Variants in XG observed in about 807,000 individuals in gnomAD.
XG encodes Xg glycoprotein (Xg blood group).
A neutral mutation model predicts 25.7 loss-of-function variants in XG; 24 were observed. The observed-to-expected ratio is 0.93, with a 90% CI of 0.68 to 1.31. The LOEUF (loss-of-function observed/expected upper bound fraction) is 1.31. XG is among the 40% of genes most tolerant of loss of function. The probability of loss-of-function intolerance (pLI) is 0.00; values close to 1 mark genes in which losing one functional copy is unlikely to be tolerated. For synonymous variants in XG, 77 were observed against 69.2 expected (o/e 1.11, Z -0.56); for missense variants, 181 against 187.6 (o/e 0.96, Z 0.21).
At chrX:2,778,982 T>C (rs1028142862) in intron 3 of XG, among the ~76,000 whole-genome samples, 2 of 152,124 alleles carry the variant, frequency 1.3e-5, no homozygotes, top group Non-Finnish European at 2.9e-5. Flanking sequence ...CAGGCTGGTC[T>C]CGAACTCCTG....
At chrX:2,774,203 G>A (rs1311326016) in intron 2 of XG, among the ~76,000 whole-genome samples, 4 of 151,908 alleles carry the variant, frequency 2.6e-5, no homozygotes, top group South Asian at 2.1e-4. Flanking sequence ...TCCTGCCCTC[G>A]TCTGCCCATC....
intron 4 of XG, among the ~76,000 whole-genome samples, chrX:2,784,599 A>T (rs1431585911): frequency 9.0e-6 from 1 of 110,815 alleles, no homozygotes; most frequent in Non-Finnish European, 1.9e-5. Flanking sequence ...ATAAGAAAAA[A>T]AAAACTTAAA....
rs147232224 is a variant in XG, at chrX:2,815,124, G to T, written c.*744G>T. 3.1e-4 allele frequency: 35 copies of T among 111,571 alleles called. No homozygotes were observed. Among genetic ancestry groups the T allele is most frequent in the Non-Finnish European group, 6.0e-4 (32 of 53,151 alleles). The allele number at this position is 111,571 out of a possible 1,213,427, so 9.2% of individuals were successfully genotyped here. ...GAGACAGAAATAGTGATTATCAGGCGTTGAGCCTTTTTGTAGTATTTTTAG... is the reference window on the plus strand; with the variant it reads ...GAGACAGAAATAGTGATTATCAGGCTTTGAGCCTTTTTGTAGTATTTTTAG... On this transcript the variant is annotated 3_prime_UTR_variant, in exon 11 of 11. Coordinates refer to ENST00000644266, the MANE Select transcript of XG (RefSeq NM_001141919.2).
At chrX:2,754,089 C>T (rs1249137037) in intron 1 of XG, among the ~76,000 whole-genome samples, 7 of 151,872 alleles carry the variant, frequency 4.6e-5, no homozygotes, top group Admixed American at 4.6e-4. Flanking sequence ...AAAATATTTT[C>T]TTTTTTTTAA....
chrX:2,758,369 G>A (rs2050483047), intron 1 of XG, among the ~76,000 whole-genome samples: 1 of 152,164 alleles, frequency 6.6e-6, no homozygotes, highest in Non-Finnish European at 1.5e-5. Context: ...TTTGGGAGCT[G>A]GGAGACCTGC....
intron 8 of XG, among the ~76,000 whole-genome samples, chrX:2,807,593 G>C (rs1447384584): frequency 3.6e-5 from 4 of 112,542 alleles, no homozygotes; most frequent in Non-Finnish European, 7.5e-5. Context: ...TTTGTTGCCT[G>C]TGTGTGTGGT....
chrX:2,767,487 C>T (rs2124439298), intron 1 of XG, among the ~76,000 whole-genome samples: 1 of 152,310 alleles, frequency 6.6e-6, no homozygotes, highest in South Asian at 2.1e-4. Flanking sequence ...CCGCTCAGTT[C>T]ACTAACTATA....
At chrX:2,770,513 AT>A in intron 1 of XG, 36 bp from the exon 2 acceptor site, 1 of 1,613,684 alleles carries the variant, frequency 6.2e-7, no homozygotes, top group Non-Finnish European at 8.5e-7. Context: ...TGGCCTTTCC[AT>A]CATGGGGTGA....
At chrX:2,781,830 A>C (rs894104150) in intron 3 of XG, among the ~76,000 whole-genome samples, 2 of 109,759 alleles carry the variant, frequency 1.8e-5, no homozygotes, top group Admixed American at 2.0e-4. Flanking sequence ...TGCCATGAAA[A>C]CGAACTTCTA....
chrX:2,764,187 G>A (rs192404917), intron 1 of XG, among the ~76,000 whole-genome samples: 48 of 152,294 alleles, frequency 3.2e-4, no homozygotes, highest in African/African-American at 1.1e-3. Context: ...GCAATGTCAG[G>A]AAGTTACCCT....
intron 5 of XG, among the ~76,000 whole-genome samples, chrX:2,794,091 C>T (rs1213061809): frequency 5.4e-5 from 6 of 110,299 alleles, no homozygotes; most frequent in East Asian, 5.7e-4. Flanking sequence ...CCAGGAAGGA[C>T]GGCCAGGAGG....
At chrX:2,790,611 G>A (rs2086828276) in intron 5 of XG, among the ~76,000 whole-genome samples, 1 of 111,321 alleles carries the variant, frequency 9.0e-6, no homozygotes, top group Non-Finnish European at 1.9e-5. Flanking sequence ...GAAACCAGCG[G>A]CCAACATGGT....
In XG at chrX:2,794,604, G is replaced by A. The variant is rs763087606; in HGVS notation, c.322+1G>A. Reference sequence around the variant, plus strand: ...AGGCCCAGGCCACGGCCGCCTGCAGGTAGGTGCCGAGCCTCCCCAGATGCG... The same window carrying A: ...AGGCCCAGGCCACGGCCGCCTGCAGATAGGTGCCGAGCCTCCCCAGATGCG... On this transcript the variant is annotated splice_donor_variant, in intron 6 of 10. Transcript: ENST00000644266. LOFTEE classifies it high-confidence loss of function. The A allele has an allele frequency of 8.3e-7, 1 of 1,211,001 alleles. No individual in the cohort carries two copies. Among genetic ancestry groups the A allele is most frequent in the Non-Finnish European group, 1.1e-6 (1 of 895,151 alleles).
intron 3 of XG, among the ~76,000 whole-genome samples, chrX:2,777,812 G>A (rs1373999907): frequency 1.3e-5 from 2 of 152,160 alleles, no homozygotes; most frequent in Middle Eastern, 3.2e-3. Context: ...TGTAATCCCA[G>A]CACTGTAGGA....
chrX:2,799,345 C>T lies in XG; in HGVS notation c.373+1985C>T, dbSNP rs2086914348. On this transcript the variant is annotated intron_variant, in intron 7 of 10. Transcript: ENST00000644266. ...AGACGAGCGTAAAAGATTTATTTGC[C>T]AAAGTTAAGGTTAAGGGCGCGCCCC... is the stretch of plus-strand genomic sequence containing the variant. Among the ~76,000 whole-genome samples, 3 of 111,089 alleles carry T rather than the reference C, an allele frequency of 2.7e-5. No homozygotes were observed. The Admixed American group carries it at 2.9e-4, about 11-fold the overall frequency.
intron 1 of XG, among the ~76,000 whole-genome samples, chrX:2,755,891 A>G (rs1188624821): frequency 2.0e-5 from 3 of 152,086 alleles, no homozygotes; most frequent in Non-Finnish European, 4.4e-5. Context: ...TGAAGTACTT[A>G]AGAAAACAGA....
At chrX:2,776,134 A>AACGCC (rs1404050498) in intron 3 of XG, among the ~76,000 whole-genome samples, 1 of 88,658 alleles carries the variant, frequency 1.1e-5, no homozygotes, top group African/African-American at 3.3e-5. Flanking sequence ...GAGTTAGAAA[A>AACGCC]ACGCTTTGAG....
rs1179699003 is a variant in XG at position 2,797,028 on chromosome X, G to A, written c.323-282G>A. Among the ~76,000 whole-genome samples the A allele has an allele frequency of 1.6e-4, 18 of 111,832 alleles. No homozygotes were observed. In the Admixed American group the frequency reaches 1.7e-3, roughly 11 times the overall value. ...TTCTCGGCAGGAAGCGGGTGCGCCT[G>A]CGTGAATTTGGAGTCCCCAGGGTAA... On this transcript the variant is annotated intron_variant, in intron 6 of 10. Transcript: ENST00000644266.
At chrX:2,757,839 G>C (rs964796631) in intron 1 of XG, among the ~76,000 whole-genome samples, 3 of 151,256 alleles carry the variant, frequency 2.0e-5, no homozygotes, top group African/African-American at 7.3e-5. Context: ...AGGCATGGTG[G>C]GGGGTGTCTG....
Sources: gnomAD v4.1 joint callset for allele counts (sites outside exome capture counted in the v4.1 genomes callset) on GRCh38, gnomAD v4.1.1 for gene constraint, MANE v1.5 for transcripts, NCBI Gene and HGNC (gene_info 2026-07-23, HGNC 2026-07-21) for gene names.